The following DLGAP2 variants were observed in gnomAD, a reference collection of about 807,000 sequenced individuals.
The protein encoded by DLGAP2 is disks large-associated protein 2.
A neutral mutation model predicts 100.3 loss-of-function variants in DLGAP2; 26 were observed. The ratio of observed to expected loss-of-function variants is 0.26; its 90% CI spans 0.19 to 0.36. The LOEUF is 0.36. DLGAP2 is among the 10% of genes least tolerant of loss of function. DLGAP2 has a pLI of 1.00. For synonymous variants in DLGAP2, 886 were observed against 630.1 expected, an observed-to-expected ratio of 1.41 and a Z score of -6.08; for missense variants, 1,858 against 1,453.2, an observed-to-expected ratio of 1.28 and a Z score of -4.53.
chr8:1,438,076 GTTT>G (rs1246913057), intron 3 of DLGAP2, among the ~76,000 whole-genome samples: 1 of 152,128 alleles, frequency 6.6e-6, no homozygotes, highest in Non-Finnish European at 1.5e-5. Context: ...GTTGTGGGCT[GTTT>G]TCACTTCAGA....
intron 2 of DLGAP2, among the ~76,000 whole-genome samples, chr8:915,213 C>A (rs1798565027): frequency 6.6e-6 from 1 of 152,200 alleles, no homozygotes; most frequent in Non-Finnish European, 1.5e-5. Flanking sequence ...TGCTGTGGTG[C>A]TGTGGCGTTG....
chr8:912,668 C>G (rs1301041918), intron 2 of DLGAP2, among the ~76,000 whole-genome samples: 1 of 149,452 alleles, frequency 6.7e-6, no homozygotes, highest in East Asian at 2.0e-4. Context: ...GTCCATCTTC[C>G]TATCTGTGGA....
chr8:1,122,861 A>C (rs1343442323), intron 2 of DLGAP2, among the ~76,000 whole-genome samples: 1 of 151,212 alleles, frequency 6.6e-6, no homozygotes, highest in Admixed American at 6.6e-5. Flanking sequence ...CTCGTATTTG[A>C]TGGTGAAGAT....
intron 3 of DLGAP2, among the ~76,000 whole-genome samples, chr8:1,481,931 T>C (rs1326232805): frequency 3.3e-5 from 5 of 152,232 alleles, no homozygotes; most frequent in African/African-American, 1.2e-4. Flanking sequence ...ATTATCCTTC[T>C]GATGCCAGGG....
intron 3 of DLGAP2, among the ~76,000 whole-genome samples, chr8:1,263,152 G>A (rs956704673): frequency 7.2e-5 from 11 of 152,130 alleles, no homozygotes; most frequent in South Asian, 2.1e-4. Flanking sequence ...TGACATGAAC[G>A]ATTCTTTAGC....
At chr8:1,581,050 G>T (rs1803224836) in intron 6 of DLGAP2, among the ~76,000 whole-genome samples, 1 of 135,064 alleles carries the variant, frequency 7.4e-6, no homozygotes, top group Non-Finnish European at 1.6e-5. Context: ...CAGAAGTGAA[G>T]GATACAGACA....
intron 3 of DLGAP2, among the ~76,000 whole-genome samples, chr8:1,447,445 C>T (rs1327859685): frequency 2.6e-5 from 4 of 152,184 alleles, no homozygotes; most frequent in Non-Finnish European, 5.9e-5. Flanking sequence ...CCCACTTGAT[C>T]ATGGTGGATA....
intron 2 of DLGAP2, among the ~76,000 whole-genome samples, chr8:938,187 G>GT (rs1799114667): frequency 6.6e-6 from 1 of 152,106 alleles, no homozygotes; most frequent in African/African-American, 2.4e-5. Flanking sequence ...GACTCAGCAT[G>GT]TTTTCCCTTT....
chr8:1,139,475 G>A (rs537008272), intron 2 of DLGAP2, among the ~76,000 whole-genome samples: 8 of 152,194 alleles, frequency 5.3e-5, no homozygotes, highest in African/African-American at 7.2e-5. Flanking sequence ...GTGTCCTCAC[G>A]TGGAGCAAGG....
intron 2 of DLGAP2, among the ~76,000 whole-genome samples, chr8:1,179,600 C>A (rs568524532): frequency 6.6e-6 from 1 of 152,224 alleles, no homozygotes; most frequent in African/African-American, 2.4e-5. Context: ...AATTAACTCT[C>A]CAAGTTGCCT....
At chr8:1,226,709 C>G (rs1585168736) in intron 2 of DLGAP2, among the ~76,000 whole-genome samples, 2 of 152,186 alleles carry the variant, frequency 1.3e-5, no homozygotes, top group Middle Eastern at 6.8e-3. Context: ...TTGCATTTCC[C>G]TGAGGATTAG....
intron 3 of DLGAP2, among the ~76,000 whole-genome samples, chr8:1,341,979 C>T (rs151123469): frequency 1.3e-3 from 200 of 152,236 alleles, no homozygotes; most frequent in Middle Eastern, 3.4e-3. Context: ...GAGACGGCAT[C>T]TCTCTCTGTC....
intron 3 of DLGAP2, among the ~76,000 whole-genome samples, chr8:1,284,463 C>T (rs1026421757): frequency 1.3e-5 from 2 of 152,078 alleles, no homozygotes; most frequent in African/African-American, 4.8e-5. Flanking sequence ...CCAGCGCTAA[C>T]GTAAAGATGT....
intron 4 of DLGAP2, among the ~76,000 whole-genome samples, chr8:1,510,575 C>T (rs1038695247): frequency 3.3e-5 from 5 of 152,342 alleles, no homozygotes; most frequent in South Asian, 2.1e-4. Flanking sequence ...GGGCTCCCTG[C>T]GTTCTGGTGC....
chr8:1,180,102 A>G (rs1797347203), intron 2 of DLGAP2, among the ~76,000 whole-genome samples: 2 of 152,278 alleles, frequency 1.3e-5, no homozygotes, highest in Admixed American at 1.3e-4. Flanking sequence ...CATTCAATAA[A>G]TAAGTAAAAA....
intron 8 of DLGAP2, among the ~76,000 whole-genome samples, chr8:1,637,953 G>C (rs894059003): frequency 6.6e-6 from 1 of 152,316 alleles, no homozygotes. Flanking sequence ...AGAAACCCAG[G>C]GAGAGGGAGG....
intron 1 of DLGAP2, among the ~76,000 whole-genome samples, chr8:819,249 A>G (rs577875039): frequency 6.6e-6 from 1 of 152,366 alleles, no homozygotes; most frequent in East Asian, 1.9e-4. Flanking sequence ...GTAATGCATA[A>G]GATAAGGATA....
rs1429979013 is a variant in DLGAP2, at chr8:1,256,042, G to C, written c.74-2809G>C. Among the ~76,000 whole-genome samples the C allele has an allele frequency of 2.3e-3, 278 of 123,312 alleles. 4 individuals carry two copies. Among genetic ancestry groups the C allele is most frequent in the Middle Eastern group, 8.1e-3 (1 of 124 alleles). The allele number at this position is 123,312 out of a possible 152,430, so 80.9% of individuals were successfully genotyped here. On this transcript the variant is annotated intron_variant, in intron 2 of 14. Coordinates refer to ENST00000637795, the MANE Select transcript of DLGAP2 (RefSeq NM_001346810.2). Reference sequence around the variant, plus strand: ...GTGTCCTCTCCTGCCCGGGTGCTGTGTGTGTGTCCTCTCATCCTGCCTGGG... The same window carrying C: ...GTGTCCTCTCCTGCCCGGGTGCTGTCTGTGTGTCCTCTCATCCTGCCTGGG...
intron 2 of DLGAP2, among the ~76,000 whole-genome samples, chr8:918,624 C>T (rs1798644072): frequency 6.6e-6 from 1 of 152,168 alleles, no homozygotes; most frequent in South Asian, 2.1e-4. Context: ...GTGGTGATAC[C>T]TTGTGGATAA....
Sources: allele counts gnomAD v4.1 joint callset (sites outside exome capture counted in the v4.1 genomes callset), GRCh38; gene constraint gnomAD v4.1.1; transcripts MANE v1.5; gene names NCBI Gene and HGNC (gene_info 2026-07-23, HGNC 2026-07-21).